The following CNTNAP4 variants were observed in gnomAD, a reference collection of about 807,000 sequenced individuals.
CNTNAP4 encodes the protein contactin associated protein family member 4, also known as contactin-associated protein-like 4.
In CNTNAP4, 98 loss-of-function variants were observed where a neutral mutation model predicts 148.4. That is an observed-to-expected ratio of 0.66 (90% CI 0.56 to 0.78). The LOEUF (loss-of-function observed/expected upper bound fraction) is 0.78, where lower values mean the gene tolerates loss of function less well. CNTNAP4 is among the 30% of genes least tolerant of loss of function. The pLI, the probability that CNTNAP4 is intolerant of heterozygous loss-of-function variation, is 0.00. For synonymous variants in CNTNAP4, 730 were observed against 565.1 expected, an observed-to-expected ratio of 1.29 and a Z score of -4.14; for missense variants, 1,935 against 1,565.6, an observed-to-expected ratio of 1.24 and a Z score of -3.98.
At chr16:76,384,444 G>A (rs1200925625) in intron 3 of CNTNAP4, among the ~76,000 whole-genome samples, 4 of 152,150 alleles carry the variant, frequency 2.6e-5, no homozygotes, top group African/African-American at 4.8e-5. Context: ...AGAAGAATGC[G>A]AAGTTGGTTG....
chr16:76,318,730 A>G, intron 2 of CNTNAP4, among the ~76,000 whole-genome samples: 1 of 148,008 alleles, frequency 6.8e-6, no homozygotes, highest in South Asian at 2.1e-4. Flanking sequence ...TAAATTAATT[A>G]TTTTTATTAA....
intron 3 of CNTNAP4, among the ~76,000 whole-genome samples, chr16:76,416,791 C>A (rs1201681365): frequency 6.6e-6 from 1 of 151,292 alleles, no homozygotes; most frequent in East Asian, 1.9e-4. Context: ...TACTGCTTTC[C>A]TGCTTCCTTG....
At chr16:76,512,655 T>G (rs139972574) in intron 15 of CNTNAP4, among the ~76,000 whole-genome samples, 26 of 152,280 alleles carry the variant, frequency 1.7e-4, no homozygotes, top group Non-Finnish European at 3.4e-4. Flanking sequence ...TTGTCAGTTT[T>G]CAGCATGTTT....
intron 5 of CNTNAP4, 54 bp from the exon 6 acceptor site, chr16:76,448,713 T>C (rs1384065159): frequency 2.9e-6 from 4 of 1,363,906 alleles, no homozygotes; most frequent in African/African-American, 3.0e-5. Flanking sequence ...GGAACCTTTT[T>C]TTTTTTTCTT....
intron 3 of CNTNAP4, among the ~76,000 whole-genome samples, chr16:76,373,562 T>G (rs1278253082): frequency 6.6e-6 from 1 of 152,158 alleles, no homozygotes; most frequent in Non-Finnish European, 1.5e-5. Context: ...ATTCAAATGT[T>G]AGGACATTTG....
chr16:76,398,256 G>C (rs2078282326), intron 3 of CNTNAP4, among the ~76,000 whole-genome samples: 1 of 149,170 alleles, frequency 6.7e-6, no homozygotes, highest in Admixed American at 6.7e-5. Flanking sequence ...GGATGGTTCT[G>C]TCTTTCCCAG....
intron 1 of CNTNAP4, among the ~76,000 whole-genome samples, chr16:76,291,198 C>T (rs1959100778): frequency 6.6e-6 from 1 of 152,058 alleles, no homozygotes; most frequent in Non-Finnish European, 1.5e-5. Flanking sequence ...AATTACATTG[C>T]TTTTTTTCAG....
chr16:76,525,393 A>G (rs925287945), intron 17 of CNTNAP4, among the ~76,000 whole-genome samples: 2 of 151,074 alleles, frequency 1.3e-5, no homozygotes, highest in Non-Finnish European at 3.0e-5. Flanking sequence ...AGAAGAGACA[A>G]GCAATTAAAA....
At chr16:76,456,833 G>T (rs1568249332) in intron 8 of CNTNAP4, among the ~76,000 whole-genome samples, 1 of 151,882 alleles carries the variant, frequency 6.6e-6, no homozygotes, top group Non-Finnish European at 1.5e-5. Flanking sequence ...AGTCAGTCTT[G>T]GTTTTCTGTT....
chr16:76,411,881 A>C (rs1296304130), intron 3 of CNTNAP4, among the ~76,000 whole-genome samples: 2 of 151,476 alleles, frequency 1.3e-5, no homozygotes, highest in Admixed American at 6.6e-5. Context: ...TGGACTATCA[A>C]AAAGTGAAAA....
At chr16:76,414,557 T>G (rs2078911984) in intron 3 of CNTNAP4, among the ~76,000 whole-genome samples, 1 of 151,268 alleles carries the variant, frequency 6.6e-6, no homozygotes, top group Non-Finnish European at 1.5e-5. Flanking sequence ...CTGGGAAGCA[T>G]TCTCTGTTTT....
At chr16:76,392,583 C>G (rs999066591) in intron 3 of CNTNAP4, among the ~76,000 whole-genome samples, 1 of 152,038 alleles carries the variant, frequency 6.6e-6, no homozygotes, top group African/African-American at 2.4e-5. Flanking sequence ...AAATATGTCC[C>G]CTCACCACAT....
chr16:76,463,547 T>A (rs923436882), intron 9 of CNTNAP4, among the ~76,000 whole-genome samples: 2 of 152,218 alleles, frequency 1.3e-5, no homozygotes, highest in Non-Finnish European at 2.9e-5. Context: ...ACATCATCTT[T>A]TTAAAAAGTA....
intron 1 of CNTNAP4, among the ~76,000 whole-genome samples, chr16:76,286,614 A>G (rs1958897587): frequency 1.3e-5 from 2 of 152,184 alleles, no homozygotes. Context: ...TTTTGGCTTA[A>G]AAATCACTAG....
intron 1 of CNTNAP4, among the ~76,000 whole-genome samples, chr16:76,294,054 T>C (rs897102989): frequency 1.3e-5 from 2 of 152,118 alleles, no homozygotes; most frequent in African/African-American, 4.8e-5. Context: ...ACTTCCAGTG[T>C]GATATACAGA....
At chr16:76,309,899 G>A in intron 1 of CNTNAP4, 1 of 701,958 alleles carries the variant, frequency 1.4e-6, no homozygotes, top group South Asian at 1.5e-5. Flanking sequence ...TCCCAGCTAT[G>A]TGGAACTGTG....
chr16:76,457,506 C>A (rs1051199077), intron 8 of CNTNAP4, among the ~76,000 whole-genome samples: 1 of 152,162 alleles, frequency 6.6e-6, no homozygotes, highest in African/African-American at 2.4e-5. Context: ...GTTACTCTGG[C>A]AGTCTTTTGT....
chr16:76,551,402 A>ATAT lies in CNTNAP4; in HGVS notation c.3443-1881_3443-1880insTAT, dbSNP rs1555604351. 3.3e-4 allele frequency among the ~76,000 whole-genome samples: 24 copies of ATAT among 72,036 alleles called. 1 individual carries two copies. Among genetic ancestry groups the ATAT allele is most frequent in the South Asian group, 1.3e-3 (2 of 1,574 alleles). The allele number at this position is 72,036 out of a possible 152,430, so 47.3% of individuals were successfully genotyped here. ...GACAGAGTGAGAGTCTGTTAAAAAA[A>ATAT]AAATATATATATATATATATTAGAG... On this transcript the variant is annotated intron_variant, in intron 21 of 23. Coordinates refer to ENST00000611870, the MANE Select transcript of CNTNAP4 (RefSeq NM_033401.5).
At chr16:76,347,418 T>C (rs1314474338) in intron 2 of CNTNAP4, among the ~76,000 whole-genome samples, 2 of 152,098 alleles carry the variant, frequency 1.3e-5, no homozygotes, top group African/African-American at 4.8e-5. Context: ...ATAAAACAGG[T>C]GAAGACCCCT....
Sources: allele counts gnomAD v4.1 joint callset (sites outside exome capture counted in the v4.1 genomes callset), GRCh38; gene constraint gnomAD v4.1.1; transcripts MANE v1.5; gene names NCBI Gene and HGNC (gene_info 2026-07-23, HGNC 2026-07-21).